Variants in RHBDF2 observed in about 807,000 individuals in gnomAD.
The protein encoded by RHBDF2 is rhomboid 5 homolog 2, also known as inactive rhomboid protein 2.
In RHBDF2, 38 loss-of-function variants were observed where a neutral mutation model predicts 95.2. That is an observed-to-expected ratio of 0.40 (90% CI 0.31 to 0.52). RHBDF2 has a LOEUF of 0.52. Ranked by LOEUF, RHBDF2 falls within the 20% of genes least tolerant of loss-of-function variation. The probability of loss-of-function intolerance (pLI) is 0.56; values close to 1 mark genes in which losing one functional copy is unlikely to be tolerated. For missense variants in RHBDF2, 863 were observed against 1,137.7 expected (o/e 0.76, Z 3.47); for synonymous variants, 442 against 462.0 (o/e 0.96, Z 0.55).
chr17:76,481,897 G>A (rs2073978585), intron 2 of RHBDF2: 1 of 196,086 alleles, frequency 5.1e-6, no homozygotes, highest in East Asian at 1.3e-4. Flanking sequence ...GTTATAGTAA[G>A]CCGAGATCGC....
At chr17:76,473,610 G>T (rs368446500) in intron 15 of RHBDF2, 38 bp downstream of exon 15, 1 of 1,528,772 alleles carries the variant, frequency 6.5e-7, no homozygotes, top group Non-Finnish European at 8.9e-7. Context: ...GCTCGGGGGG[G>T]CAGTGGGATG....
intron 10 of RHBDF2, 57 bp from the exon 11 acceptor site, chr17:76,474,861 G>A: frequency 6.3e-7 from 1 of 1,588,482 alleles, no homozygotes; most frequent in Non-Finnish European, 8.6e-7. Flanking sequence ...CTGGGCATGG[G>A]GAGCTGGGGC....
chr17:76,472,204 C>A (rs1445278813), intron 18 of RHBDF2, 152 bp from the exon 19 acceptor site: 2 of 719,090 alleles, frequency 2.8e-6, no homozygotes, highest in South Asian at 3.8e-5. Flanking sequence ...AGCTGCTGGA[C>A]CAAAGCTGGG....
chr17:76,497,076 A>G lies in RHBDF2; in HGVS notation c.-220+4277T>C, dbSNP rs116727720. On this transcript the variant is annotated intron_variant, in intron 1 of 18. Coordinates refer to ENST00000675367, the MANE Select transcript of RHBDF2 (RefSeq NM_001005498.4). ...GCGCCTGGCCCCAGATCTTCTTATG[A>G]CTAAATGGAGCTGACAACCTGGGGA... 3.3e-3 allele frequency among the ~76,000 whole-genome samples: 506 copies of G among 152,160 alleles called. 3 individuals are homozygous for G. Among genetic ancestry groups the G allele is most frequent in the African/African-American group, 0.011 (468 of 41,520 alleles).
Position 76,478,940 on chromosome 17 carries a change from G to C in RHBDF2, c.538C>G (p.His180Asp), listed in dbSNP as rs1314404002. The change falls in exon 6 of 19, where the codon CAC becomes GAC. Residue 180 changes from histidine to aspartate, a missense_variant. Around this residue, in one of 2 missense-constraint regions of RHBDF2, gnomAD observed 611 missense variants for 725.5 expected, o/e 0.84. Coordinates refer to ENST00000675367, the MANE Select transcript of RHBDF2 (RefSeq NM_001005498.4). Reference protein sequence around the residue: ...PEEMDRPHAPHPPLTPGVLSL... With the variant: ...PEEMDRPHAPDPPLTPGVLSL... The stretch of plus-strand genomic sequence containing the variant: ...AGGACTCCGGGGGTCAGCGGTGGGT[G>C]CGGGGCGTGGGGCCTGTCCATCTCC... The C allele has an allele frequency of 1.9e-6, 3 of 1,600,168 alleles. No individual in the cohort carries two copies. The highest frequency in any genetic ancestry group is 2.6e-6 in the Non-Finnish European group (3 of 1,172,174).
At chr17:76,488,830 C>T (rs2074217731) in intron 1 of RHBDF2, among the ~76,000 whole-genome samples, 1 of 152,126 alleles carries the variant, frequency 6.6e-6, no homozygotes, top group Non-Finnish European at 1.5e-5. Flanking sequence ...CGCCTGTAAT[C>T]CCAGCTACTC....
rs2073665517 is a variant in RHBDF2, at chr17:76,473,671, G to A, written c.1710C>T (p.Pro570=). 2 of 1,610,662 alleles carry A rather than the reference G, an allele frequency of 1.2e-6. No individual in the cohort carries two copies. Among genetic ancestry groups the A allele is most frequent in the South Asian group, 1.1e-5 (1 of 90,482 alleles). ...LHMDCEIKGR[P]CCIGTKGSCE... is the part of the protein sequence containing the mutation. ...ACCTGCCCTTGGTGCCGATGCAGCA[G>A]GGGCGGCCCTTGATCTCGCAGTCCA... The change falls in exon 15 of 19, where the codon CCC becomes CCT. Residue 570 remains proline, a synonymous_variant. Coordinates refer to ENST00000675367, the MANE Select transcript of RHBDF2 (RefSeq NM_001005498.4).
Position 76,476,824 on chromosome 17 carries a change from C to T in RHBDF2, c.1115+6G>A. ...CTCTCCTGGGGGCTCCAGGGCGACA[C>T]CTCACCGGTGGCTGTCGAAGCTCTC... On this transcript the variant is annotated splice_donor_region_variant and intron_variant, in intron 9 of 18. Coordinates refer to ENST00000675367, the MANE Select transcript of RHBDF2 (RefSeq NM_001005498.4). 2 of 1,593,834 alleles carry T rather than the reference C, an allele frequency of 1.3e-6. No individual in the cohort carries two copies.
At chr17:76,493,483 G>A (rs1468835390) in intron 1 of RHBDF2, among the ~76,000 whole-genome samples, 2 of 151,874 alleles carry the variant, frequency 1.3e-5, no homozygotes, top group Non-Finnish European at 2.9e-5. Flanking sequence ...CAGGAAAGTG[G>A]CAAGAAGGCT....
intron 1 of RHBDF2, among the ~76,000 whole-genome samples, chr17:76,488,905 G>A (rs1196169161): frequency 6.6e-6 from 1 of 152,060 alleles, no homozygotes; most frequent in Admixed American, 6.6e-5. Flanking sequence ...CCAAGATCGC[G>A]CCATTGTACT....
chr17:76,498,856 CTCTGTGTG>C (rs2144493840), intron 1 of RHBDF2, among the ~76,000 whole-genome samples: 1 of 131,492 alleles, frequency 7.6e-6, no homozygotes, highest in South Asian at 2.3e-4. Context: ...TTGTGTGTGT[CTCTGTGTG>C]TCTGTTTGTG....
At chr17:76,489,325 GT>G (rs71161301) in intron 1 of RHBDF2, among the ~76,000 whole-genome samples, 23,506 of 131,388 alleles carry the variant, frequency 0.18, 2,223 homozygotes, top group African/African-American at 0.33. Flanking sequence ...GGGCATTCCT[GT>G]TTTTTTTTTT....
At chr17:76,498,825 A>T (rs2011431) in intron 1 of RHBDF2, among the ~76,000 whole-genome samples, 1,977 of 60,902 alleles carry the variant, frequency 0.032, 24 homozygotes, top group East Asian at 0.092. Flanking sequence ...TGTGTGTGTG[A>T]GTCTGTGTGT....
At chr17:76,483,983 C>T (rs893431113) in intron 2 of RHBDF2, among the ~76,000 whole-genome samples, 2 of 152,136 alleles carry the variant, frequency 1.3e-5, no homozygotes, top group African/African-American at 2.4e-5. Flanking sequence ...CAGCTGTGGC[C>T]GGGCGCGGTG....
chr17:76,478,749 G>T, intron 6 of RHBDF2, 57 bp downstream of exon 6: 3 of 1,444,628 alleles, frequency 2.1e-6, no homozygotes, highest in Non-Finnish European at 2.9e-6. Flanking sequence ...GTGGAAGGGA[G>T]GGGCAAGGAA....
intron 1 of RHBDF2, among the ~76,000 whole-genome samples, chr17:76,495,662 G>A (rs1026700636): frequency 4.6e-5 from 7 of 152,248 alleles, no homozygotes; most frequent in Admixed American, 4.6e-4. Context: ...CTGGCTGGGT[G>A]TGAGCATGCA....
Position 76,479,075 on chromosome 17 carries a change from A to T in RHBDF2, c.468+7T>A, listed in dbSNP as rs747514643. 4 of 1,613,396 alleles carry T rather than the reference A, an allele frequency of 2.5e-6. No individual in the cohort carries two copies. Among genetic ancestry groups the T allele is most frequent in the Admixed American group, 3.3e-5 (2 of 60,022 alleles). On this transcript the variant is annotated splice_region_variant and intron_variant, in intron 5 of 18. Coordinates refer to ENST00000675367, the MANE Select transcript of RHBDF2 (RefSeq NM_001005498.4). ...CCACCCCTGCCTCCTTTCCCCATGG[A>T]TCCCACCTTGGGCATCTTGCAGGGC...
At position 76,474,082 on chromosome 17, in the gene RHBDF2, C is replaced by G; in HGVS notation, c.1525G>C (p.Asp509His). 1 of 1,611,382 alleles carries G rather than the reference C, an allele frequency of 6.2e-7. No individual in the cohort carries two copies. The highest frequency in any genetic ancestry group is 1.1e-5 in the South Asian group (1 of 90,888). The change falls in exon 13 of 19, where the codon GAT (aspartate) becomes CAT (histidine). Residue 509 changes from aspartate to histidine, a missense_variant. Transcript: ENST00000675367. ...CCCGAAGTCCGCTTCTGGCCCAGAT[C>G]AGACTTGTCCATGGGGGGCCCAGTG... ...DDTGPPMDKS[D>H]LGQKRTSGAV...
chr17:76,500,556 C>T (rs546337825), intron 1 of RHBDF2, among the ~76,000 whole-genome samples: 1 of 152,194 alleles, frequency 6.6e-6, no homozygotes, highest in Non-Finnish European at 1.5e-5. Context: ...GCCTTCTGCT[C>T]CTCAGACACA....
Sources: allele counts gnomAD v4.1 joint callset (sites outside exome capture counted in the v4.1 genomes callset), GRCh38; gene constraint gnomAD v4.1.1; regional missense constraint gnomAD v4.1.1; transcripts MANE v1.5; gene names NCBI Gene and HGNC (gene_info 2026-07-23, HGNC 2026-07-21).